The following HMCN1 variants were observed in gnomAD, a reference collection of about 807,000 sequenced individuals.
HMCN1 encodes the protein hemicentin 1.
In HMCN1, 321 loss-of-function variants were observed where a neutral mutation model predicts 625.9. The ratio of observed to expected loss-of-function variants is 0.51; its 90% CI spans 0.47 to 0.56. The LOEUF is 0.56. HMCN1 is among the 20% of genes least tolerant of loss of function. The pLI is 0.00. For missense variants in HMCN1, 6,588 were observed against 6,887.3 expected (o/e 0.96, Z 1.54); for synonymous variants, 2,425 against 2,417.6 (o/e 1.00, Z -0.09).
intron 45 of HMCN1, among the ~76,000 whole-genome samples, chr1:186,056,332 A>G (rs536696661): frequency 6.6e-6 from 1 of 152,028 alleles, no homozygotes; most frequent in Non-Finnish European, 1.5e-5. Flanking sequence ...ACAAAAGGGA[A>G]GATGAATTAA....
At chr1:185,793,749 A>G (rs1658159738) in intron 1 of HMCN1, among the ~76,000 whole-genome samples, 1 of 152,192 alleles carries the variant, frequency 6.6e-6, no homozygotes, top group Non-Finnish European at 1.5e-5. Flanking sequence ...AGAGTCACCC[A>G]GGGTTTTCAG....
At chr1:185,923,761 T>C in intron 8 of HMCN1, 108 bp downstream of exon 8, 4 of 914,392 alleles carry the variant, frequency 4.4e-6, no homozygotes, top group Non-Finnish European at 1.7e-6. Flanking sequence ...CTTCATATTA[T>C]TACTGCATCA....
chr1:186,178,635 A>G lies in HMCN1; in HGVS notation c.16163A>G (p.Tyr5388Cys), dbSNP rs777214955. The change falls in exon 104 of 107, where the codon TAC becomes TGC. Residue 5388 changes from tyrosine to cysteine, a missense_variant. By Grantham distance (194) the Tyr-to-Cys change is radical (BLOSUM62 -2). Transcript: ENST00000271588. ...VRNNYQPQQH[Y>C]RQYSHLYSSY... ...AACAACTATCAACCTCAACAGCATT[A>G]CAGACAGTACTCACATCTCTACAGC... 6 of 1,614,030 alleles carry G rather than the reference A, an allele frequency of 3.7e-6. No homozygotes were observed. The highest frequency in any genetic ancestry group is 4.2e-6 in the Non-Finnish European group (5 of 1,179,984).
chr1:185,923,465 G>A lies in HMCN1; in HGVS notation c.1097G>A (p.Ser366Asn), dbSNP rs139717952. 6.8e-6 allele frequency: 11 copies of A among 1,609,622 alleles called. No homozygotes were observed. Among genetic ancestry groups the A allele is most frequent in the Non-Finnish European group, 9.4e-6 (11 of 1,176,390 alleles). ...AGAATAGATCTTCTTGAACTTTTGA[G>A]TATCTCAGGAAGTTCTCTTAAGACT... The part of the protein sequence containing the change: ...PARIDLLELL[S>N]ISGSSLKTIP... Residue 366 changes from serine (S) to asparagine (N), a missense_variant, in exon 8 of 107, where the codon AGT (serine) becomes AAT (asparagine). Coordinates refer to ENST00000271588, the MANE Select transcript of HMCN1 (RefSeq NM_031935.3).
chr1:186,163,945 A>T (rs958290286), intron 97 of HMCN1, among the ~76,000 whole-genome samples: 1 of 152,228 alleles, frequency 6.6e-6, no homozygotes. Flanking sequence ...ATCAGATAAT[A>T]ACTATGTTTA....
chr1:186,076,243 A>G (rs567982111), intron 53 of HMCN1, among the ~76,000 whole-genome samples, 185 bp from the exon 54 acceptor site: 1 of 152,112 alleles, frequency 6.6e-6, no homozygotes. Context: ...CCACTTGACA[A>G]CCAGCTCCGA....
chr1:186,145,644 T>A (rs1650268819), intron 92 of HMCN1, 71 bp downstream of exon 92: 4 of 1,609,806 alleles, frequency 2.5e-6, no homozygotes, highest in Non-Finnish European at 3.4e-6. Context: ...GCAGGCCTAT[T>A]GCTTCAGACC....
chr1:186,000,577 GTGTGTGTGTGTGTGTA>G (rs1353436626), intron 26 of HMCN1, among the ~76,000 whole-genome samples: 1 of 150,854 alleles, frequency 6.6e-6, no homozygotes, highest in Admixed American at 6.6e-5. Context: ...GTGTGTGTGT[GTGTGTGTGTGTGTGTA>G]TGTATGTGTC....
chr1:186,114,750 C>G lies in HMCN1; in HGVS notation c.11277-69C>G. The G allele has an allele frequency of 1.9e-6, 3 of 1,563,252 alleles. No homozygotes were observed. The East Asian group carries it at 6.7e-5, about 35-fold the overall frequency. On this transcript the variant is annotated intron_variant, in intron 73 of 106. Transcript: ENST00000271588. ...GGATTTCACCAAGTGTTTAACATTT[C>G]CCTCAGTCAAAATATGAACAATCAA...
intron 1 of HMCN1, among the ~76,000 whole-genome samples, chr1:185,816,772 C>T (rs1484620548): frequency 2.0e-5 from 3 of 151,624 alleles, no homozygotes; most frequent in African/African-American, 7.2e-5. Flanking sequence ...TGTATACTTC[C>T]TTGGGTCCAT....
In HMCN1 at chr1:185,933,584, A is replaced by G. The variant is rs781759837; in HGVS notation, c.1588A>G (p.Thr530Ala). The G allele has an allele frequency of 3.1e-6, 5 of 1,613,968 alleles. No homozygotes were observed. In the Admixed American group the frequency reaches 8.3e-5, roughly 27 times the overall value. ...GGTCATCCAAGTGCCTAACAATGTTACAGTCACTCCTGGAGAGAGAGCAGT... is the reference window on the plus strand; with the variant it reads ...GGTCATCCAAGTGCCTAACAATGTTGCAGTCACTCCTGGAGAGAGAGCAGT... ...PPVIQVPNNV[T>A]VTPGERAVLT... The change falls in exon 11 of 107, where the codon ACA (threonine) becomes GCA (alanine). Residue 530 changes from threonine (T) to alanine (A), a missense_variant. Physicochemically the swap from Thr to Ala is moderately conservative, Grantham distance 58. Coordinates refer to ENST00000271588, the MANE Select transcript of HMCN1 (RefSeq NM_031935.3).
intron 103 of HMCN1, among the ~76,000 whole-genome samples, chr1:186,175,876 C>CAAAAAAAAAAAAAA (rs758445916): frequency 3.8e-4 from 29 of 76,024 alleles, no homozygotes; most frequent in Non-Finnish European, 4.7e-4. Context: ...AACTATGTCT[C>CAAAAAAAAAAAAAA]AAAAAAAAAA....
intron 30 of HMCN1, among the ~76,000 whole-genome samples, chr1:186,012,828 G>C (rs114194708): frequency 2.0e-5 from 3 of 151,902 alleles, no homozygotes; most frequent in Non-Finnish European, 2.9e-5. Context: ...TTGAAAAATC[G>C]GGAATATTGT....
At chr1:186,054,203 C>G (rs1396111479) in intron 44 of HMCN1, among the ~76,000 whole-genome samples, 1 of 151,946 alleles carries the variant, frequency 6.6e-6, no homozygotes, top group Non-Finnish European at 1.5e-5. Flanking sequence ...CATTAGCTCA[C>G]CAATGACAGA....
At chr1:185,738,891 G>A (rs1417805629) in intron 1 of HMCN1, among the ~76,000 whole-genome samples, 1 of 151,928 alleles carries the variant, frequency 6.6e-6, no homozygotes, top group South Asian at 2.1e-4. Context: ...TTCATTTTAG[G>A]TTCAGGGGCC....
At chr1:185,973,940 T>A (rs1651016397) in intron 15 of HMCN1, among the ~76,000 whole-genome samples, 1 of 152,182 alleles carries the variant, frequency 6.6e-6, no homozygotes, top group Non-Finnish European at 1.5e-5. Flanking sequence ...AATCTCTGAC[T>A]AAAATAATGC....
intron 71 of HMCN1, among the ~76,000 whole-genome samples, chr1:186,110,094 C>T (rs1018819114): frequency 2.0e-5 from 3 of 151,982 alleles, no homozygotes; most frequent in African/African-American, 7.3e-5. Flanking sequence ...TTTGAATTAC[C>T]TGTATTTTCC....
intron 81 of HMCN1, 72 bp downstream of exon 81, chr1:186,123,292 A>G: frequency 1.3e-6 from 2 of 1,539,378 alleles, no homozygotes; most frequent in East Asian, 4.8e-5. Flanking sequence ...ACCAAGAGCA[A>G]ATCTGATGGA....
At chr1:185,808,901 G>A (rs1659338352) in intron 1 of HMCN1, among the ~76,000 whole-genome samples, 1 of 152,134 alleles carries the variant, frequency 6.6e-6, no homozygotes, top group Non-Finnish European at 1.5e-5. Context: ...AATAGCAATA[G>A]GCAGTATGTA....
Sources: allele counts gnomAD v4.1 joint callset (sites outside exome capture counted in the v4.1 genomes callset), GRCh38; gene constraint gnomAD v4.1.1; transcripts MANE v1.5; gene names NCBI Gene and HGNC (gene_info 2026-07-23, HGNC 2026-07-21).